Variants in VPS13C observed in about 807,000 individuals in gnomAD.
The protein encoded by VPS13C is vacuolar protein sorting 13 homolog C.
In VPS13C, 358 loss-of-function variants were observed where a neutral mutation model predicts 456.8. The observed-to-expected ratio is 0.78, with a 90% CI of 0.72 to 0.86. VPS13C has a LOEUF of 0.86. VPS13C is among the 40% of genes least tolerant of loss of function. The pLI, the probability that VPS13C is intolerant of heterozygous loss-of-function variation, is 0.00. For missense variants in VPS13C, 4,818 were observed against 4,385.4 expected (o/e 1.10, Z -2.79); for synonymous variants, 1,578 against 1,486.7 (o/e 1.06, Z -1.41).
At chr15:61,998,860 A>G (rs558900766) in intron 16 of VPS13C, among the ~76,000 whole-genome samples, 1 of 152,260 alleles carries the variant, frequency 6.6e-6, no homozygotes, top group South Asian at 2.1e-4. Flanking sequence ...CAGCTTACTC[A>G]ATGTGAAGAC....
rs900890280 is a variant in VPS13C, at chr15:61,981,740, G to A, written c.2030-262C>T. On this transcript the variant is annotated intron_variant, in intron 21 of 84. Coordinates refer to ENST00000644861, the MANE Select transcript of VPS13C (RefSeq NM_020821.3). ...TAGCCAGGCGTGGTGGCGGGCGCCT[G>A]CAGCCCCAGCTACTTGGGAGGCTGA... 5.9e-5 allele frequency among the ~76,000 whole-genome samples: 9 copies of A among 152,212 alleles called. No homozygotes were observed. The East Asian group carries it at 1.4e-3, about 23-fold the overall frequency.
intron 67 of VPS13C, among the ~76,000 whole-genome samples, chr15:61,886,338 C>A (rs1490321274): frequency 1.3e-5 from 2 of 152,072 alleles, no homozygotes; most frequent in African/African-American, 4.8e-5. Flanking sequence ...ATACTGTCAA[C>A]ATATATTGCA....
chr15:61,936,532 A>G lies in VPS13C; in HGVS notation c.5755+65T>C, dbSNP rs531135801. On this transcript the variant is annotated intron_variant, in intron 48 of 84. Transcript: ENST00000644861. ...CATTGTGCTGGACAGCTAGAAAAAT[A>G]CTAAATATAAATATGACATTAACAC... 12 of 1,431,292 alleles carry G rather than the reference A, an allele frequency of 8.4e-6. No homozygotes were observed. The Admixed American group carries it at 1.7e-4, about 20-fold the overall frequency. The allele number at this position is 1,431,292 out of a possible 1,614,324, so 88.7% of individuals were successfully genotyped here.
Position 61,852,598 on chromosome 15 carries a change from T to C in VPS13C, c.*1859A>G, listed in dbSNP as rs1396336081. 3 of 152,194 alleles carry C rather than the reference T, an allele frequency of 2.0e-5. No individual in the cohort carries two copies. The highest frequency in any genetic ancestry group is 2.1e-4 in the South Asian group (1 of 4,820). The allele number at this position is 152,194 out of a possible 1,614,324, so 9.4% of individuals were successfully genotyped here. A position where few individuals can be genotyped will look rare whatever the true frequency, so the allele number is the denominator to read the frequency against. The stretch of plus-strand genomic sequence containing the variant: ...GGACATTGTCAACAGCTGTGATTCA[T>C]ATGAAAAATATAATCAGATATCTCA... On this transcript the variant is annotated 3_prime_UTR_variant, in exon 85 of 85. Coordinates refer to ENST00000644861, the MANE Select transcript of VPS13C (RefSeq NM_020821.3).
chr15:61,960,413 G>A (rs1030976402), intron 35 of VPS13C, among the ~76,000 whole-genome samples: 1 of 152,018 alleles, frequency 6.6e-6, no homozygotes, highest in African/African-American at 2.4e-5. Flanking sequence ...TTTTTATAAT[G>A]GACATTCCTA....
intron 1 of VPS13C, among the ~76,000 whole-genome samples, chr15:62,052,050 T>C (rs1183548049): frequency 2.6e-5 from 4 of 152,190 alleles, no homozygotes; most frequent in African/African-American, 9.7e-5. Context: ...ATAGAATCTA[T>C]GTCTCCCAAC....
chr15:62,048,800 C>CTGGT (rs1245720416), intron 1 of VPS13C, among the ~76,000 whole-genome samples: 1 of 152,182 alleles, frequency 6.6e-6, no homozygotes, highest in Non-Finnish European at 1.5e-5. Context: ...GCCATTCTAA[C>CTGGT]TGGTGTGAGA....
At chr15:61,856,541 A>T in intron 82 of VPS13C, 132 bp from the exon 83 acceptor site, 1 of 824,716 alleles carries the variant, frequency 1.2e-6, no homozygotes, top group Non-Finnish European at 1.8e-6. Context: ...TAAAAAAAAA[A>T]CCTGCTTCAT....
intron 1 of VPS13C, among the ~76,000 whole-genome samples, chr15:62,050,102 C>A (rs545006507): frequency 6.6e-6 from 1 of 152,196 alleles, no homozygotes; most frequent in Non-Finnish European, 1.5e-5. Context: ...ATTTCCTTCT[C>A]CTGCCTAATT....
intron 37 of VPS13C, among the ~76,000 whole-genome samples, chr15:61,956,615 A>G (rs1324297791): frequency 6.6e-6 from 1 of 152,168 alleles, no homozygotes; most frequent in African/African-American, 2.4e-5. Flanking sequence ...CAATAAGAAA[A>G]AAGGCAAACA....
At chr15:61,897,436 C>T (rs897350286) in intron 66 of VPS13C, among the ~76,000 whole-genome samples, 8 of 151,972 alleles carry the variant, frequency 5.3e-5, no homozygotes, top group Non-Finnish European at 1.2e-4. Context: ...AACCAAGGCT[C>T]GAGAACTACG....
chr15:61,941,403 T>A (rs1450399068), intron 46 of VPS13C, among the ~76,000 whole-genome samples: 1 of 152,118 alleles, frequency 6.6e-6, no homozygotes, highest in Non-Finnish European at 1.5e-5. Flanking sequence ...GAGAAATAAA[T>A]CTTAAATTTT....
rs532215799 is a variant in VPS13C at position 62,055,986 on chromosome 15, C to T, written c.100+4289G>A. Among the ~76,000 whole-genome samples, 5 of 152,300 alleles carry T rather than the reference C, an allele frequency of 3.3e-5. No homozygotes were observed. In the East Asian group the frequency reaches 5.8e-4, roughly 18 times the overall value. On this transcript the variant is annotated intron_variant, in intron 1 of 84. Transcript: ENST00000644861. ...TACATGCCAATAGCACACCTCTTCC[C>T]TCAGTGTGGCAACCAAAAAGTCTCA...
At chr15:61,928,209 A>C (rs1409721696) in intron 51 of VPS13C, among the ~76,000 whole-genome samples, 1 of 152,196 alleles carries the variant, frequency 6.6e-6, no homozygotes, top group Non-Finnish European at 1.5e-5. Flanking sequence ...AATAAAAAAG[A>C]ATAATCCTGT....
intron 66 of VPS13C, 152 bp downstream of exon 66, chr15:61,907,112 G>T: frequency 9.7e-7 from 1 of 1,033,064 alleles, no homozygotes; most frequent in Non-Finnish European, 1.5e-6. Context: ...TTGAACTACA[G>T]TATTTGCCAT....
Position 61,890,382 on chromosome 15 carries a change from G to T in VPS13C, c.9124C>A (p.Pro3042Thr). The change falls in exon 67 of 85, where the codon CCA (proline) becomes ACA (threonine). Residue 3042 changes from proline (P) to threonine (T), a missense_variant. Transcript: ENST00000644861. ...TGTATCTGGATGTTTGCATCATATG[G>T]AAACTGTCCACATCCATCCTGGGAA... ...DLLKDGCGQF[P>T]YDANIQIHWV... 6.2e-7 allele frequency: 1 copy of T among 1,613,860 alleles called. No homozygotes were observed. Among genetic ancestry groups the T allele is most frequent in the Non-Finnish European group, 8.5e-7 (1 of 1,179,920 alleles).
In VPS13C at chr15:61,854,585, T is replaced by C. The variant is rs774581531; in HGVS notation, c.11161-27A>G. ...TGTAAAGTAAAATACTTATTATGAA[T>C]TTTAAAGACAAGTATAGGCTCATTT... On this transcript the variant is annotated intron_variant, in intron 84 of 84. Transcript: ENST00000644861. 153 of 1,608,574 alleles carry C rather than the reference T, an allele frequency of 9.5e-5. 1 individual carries two copies. Among genetic ancestry groups the C allele is most frequent in the South Asian group, 6.6e-4 (60 of 90,958 alleles).
rs1893749743 is a variant in VPS13C at position 61,853,484 on chromosome 15, G to A, written c.*973C>T. ...TATGAATGCTACATTACAGAGGGCA[G>A]AGTGTAGCTATTTTAAGGTTTGATT... On this transcript the variant is annotated 3_prime_UTR_variant, in exon 85 of 85. Coordinates refer to ENST00000644861, the MANE Select transcript of VPS13C (RefSeq NM_020821.3). 1 of 152,146 alleles carries A rather than the reference G, an allele frequency of 6.6e-6. No individual in the cohort carries two copies. Among genetic ancestry groups the A allele is most frequent in the Admixed American group, 6.5e-5 (1 of 15,284 alleles). 9.4% of individuals were successfully genotyped at this position (152,146 alleles called of 1,614,324 possible).
intron 38 of VPS13C, 104 bp downstream of exon 38, chr15:61,954,317 A>G (rs1381401978): frequency 7.7e-6 from 10 of 1,292,346 alleles, no homozygotes; most frequent in Middle Eastern, 2.0e-4. Flanking sequence ...CAGCCCACAT[A>G]GATTTTTTTC....
Sources: gnomAD v4.1 joint callset for allele counts (sites outside exome capture counted in the v4.1 genomes callset) on GRCh38, gnomAD v4.1.1 for gene constraint, MANE v1.5 for transcripts, NCBI Gene and HGNC (gene_info 2026-07-23, HGNC 2026-07-21) for gene names.